Variants in NRXN1 observed in about 807,000 individuals in gnomAD.
NRXN1 encodes the protein neurexin-1.
Under a neutral mutation model 150.9 loss-of-function variants are expected in NRXN1, and 39 were observed. That is an observed-to-expected ratio of 0.26 (90% confidence interval 0.20 to 0.34). NRXN1 has a LOEUF of 0.34. Among genes scored for constraint, NRXN1 ranks in the 10% least tolerant of loss-of-function variants. The pLI is 1.00. For missense variants in NRXN1, 1,815 were observed against 1,949.9 expected (o/e 0.93, Z 1.30); for synonymous variants, 924 against 757.0 (o/e 1.22, Z -3.62).
At chr2:50,832,137 G>T (rs1671493495) in intron 5 of NRXN1, among the ~76,000 whole-genome samples, 1 of 152,172 alleles carries the variant, frequency 6.6e-6, no homozygotes, top group Non-Finnish European at 1.5e-5. Context: ...CCAGTCAGCA[G>T]GCTTAGTTTA....
At chr2:50,141,428 A>G (rs1310951417) in intron 18 of NRXN1, among the ~76,000 whole-genome samples, 7 of 152,026 alleles carry the variant, frequency 4.6e-5, no homozygotes, top group African/African-American at 1.7e-4. Context: ...GTCCTCAGAA[A>G]CACAGGGAAC....
At chr2:51,007,565 A>C (rs2105155933) in intron 2 of NRXN1, among the ~76,000 whole-genome samples, 1 of 152,004 alleles carries the variant, frequency 6.6e-6, no homozygotes, top group South Asian at 2.1e-4. Context: ...TGTTTTATAT[A>C]TTATTTTTCT....
chr2:51,017,574 C>CAAG (rs1668919650), intron 2 of NRXN1, among the ~76,000 whole-genome samples: 1 of 116,630 alleles, frequency 8.6e-6, no homozygotes, highest in African/African-American at 3.3e-5. Flanking sequence ...CCCGCCTGGT[C>CAAG]TGGTACTCTT....
At chr2:50,800,316 T>C (rs1445802629) in intron 5 of NRXN1, among the ~76,000 whole-genome samples, 1 of 152,192 alleles carries the variant, frequency 6.6e-6, no homozygotes, top group Non-Finnish European at 1.5e-5. Flanking sequence ...TCATCCTCTA[T>C]TCACACCAGG....
At chr2:50,781,758 G>C (rs531282806) in intron 5 of NRXN1, among the ~76,000 whole-genome samples, 1 of 152,136 alleles carries the variant, frequency 6.6e-6, no homozygotes, top group African/African-American at 2.4e-5. Flanking sequence ...AAATATTTAT[G>C]CCTTTTTATT....
chr2:51,031,822 A>G lies in NRXN1; in HGVS notation c.-922+159T>C, dbSNP rs1671611215. On this transcript the variant is annotated intron_variant, in intron 1 of 22. Coordinates refer to ENST00000401669, the MANE Select transcript of NRXN1 (RefSeq NM_001330078.2). ...TCTTGCCATCTATTTAAAAGGCTTC[A>G]TGCAAAACAACCAAGATCTACACTC... Among the ~76,000 whole-genome samples, 3 of 100,408 alleles carry G rather than the reference A, an allele frequency of 3.0e-5. No homozygotes were observed. In the Admixed American group the frequency reaches 3.2e-4, roughly 11 times the overall value. 65.9% of individuals were successfully genotyped at this position (100,408 alleles called of 152,430 possible).
intron 5 of NRXN1, among the ~76,000 whole-genome samples, chr2:50,832,603 A>G (rs1247812836): frequency 3.3e-5 from 5 of 152,160 alleles, no homozygotes; most frequent in African/African-American, 1.2e-4. Context: ...GCAGTGAGCC[A>G]ATGTCGCACC....
chr2:50,119,139 C>T (rs571593727), intron 18 of NRXN1, among the ~76,000 whole-genome samples: 15 of 152,224 alleles, frequency 9.9e-5, no homozygotes, highest in African/African-American at 2.6e-4. Context: ...AATTAACATA[C>T]GGGAATTTAA....
At chr2:50,837,234 G>A (rs1672247139) in intron 5 of NRXN1, among the ~76,000 whole-genome samples, 2 of 152,274 alleles carry the variant, frequency 1.3e-5, no homozygotes, top group Admixed American at 6.5e-5. Context: ...ATAGCCAAGT[G>A]AAAGGACAAC....
At chr2:50,029,463 G>C (rs555974975) in intron 21 of NRXN1, among the ~76,000 whole-genome samples, 1 of 152,246 alleles carries the variant, frequency 6.6e-6, no homozygotes, top group African/African-American at 2.4e-5. Context: ...GTTAAGATTA[G>C]ATGAGGTCTT....
chr2:51,002,577 A>G (rs1351848395), intron 2 of NRXN1, among the ~76,000 whole-genome samples: 1 of 151,966 alleles, frequency 6.6e-6, no homozygotes. Context: ...GTCTGAAAGT[A>G]TCCTCTATGT....
intron 17 of NRXN1, among the ~76,000 whole-genome samples, chr2:50,445,512 C>A (rs574972386): frequency 6.6e-6 from 1 of 152,062 alleles, no homozygotes; most frequent in South Asian, 2.1e-4. Context: ...ATCTGAGATC[C>A]GCCTTTATTA....
At chr2:50,066,304 G>A (rs1157202232) in intron 19 of NRXN1, among the ~76,000 whole-genome samples, 1 of 151,976 alleles carries the variant, frequency 6.6e-6, no homozygotes, top group Non-Finnish European at 1.5e-5. Flanking sequence ...GGAGTCAAGG[G>A]GACAAATGAG....
At chr2:50,141,851 T>A (rs576317351) in intron 18 of NRXN1, among the ~76,000 whole-genome samples, 1 of 152,158 alleles carries the variant, frequency 6.6e-6, no homozygotes, top group East Asian at 1.9e-4. Flanking sequence ...ACATTGTTGG[T>A]GGGGATGTAA....
chr2:50,427,429 T>C (rs180925969), intron 17 of NRXN1, among the ~76,000 whole-genome samples: 322 of 151,844 alleles, frequency 2.1e-3, no homozygotes, highest in African/African-American at 7.4e-3. Context: ...TGCTGCCATA[T>C]CTGGAAATGG....
intron 5 of NRXN1, among the ~76,000 whole-genome samples, chr2:50,884,299 T>C (rs972398308): frequency 7.9e-5 from 12 of 151,824 alleles, no homozygotes; most frequent in African/African-American, 2.7e-4. Flanking sequence ...GCTGTATTAA[T>C]TGTATTCTAC....
At chr2:50,729,081 T>C (rs553630253) in intron 5 of NRXN1, among the ~76,000 whole-genome samples, 11 of 152,322 alleles carry the variant, frequency 7.2e-5, no homozygotes, top group African/African-American at 2.6e-4. Context: ...TAAAGCATTA[T>C]GATCCCTCTA....
intron 8 of NRXN1, among the ~76,000 whole-genome samples, chr2:50,599,264 T>C (rs1046254178): frequency 2.0e-5 from 3 of 152,186 alleles, no homozygotes; most frequent in African/African-American, 7.2e-5. Flanking sequence ...TAAGAAATAT[T>C]CTTAGATTGC....
intron 18 of NRXN1, among the ~76,000 whole-genome samples, chr2:50,177,059 T>C (rs985446988): frequency 6.6e-6 from 1 of 152,178 alleles, no homozygotes; most frequent in Non-Finnish European, 1.5e-5. Flanking sequence ...ACATTGTTTT[T>C]AGTTGTGTTC....
Sources: allele counts gnomAD v4.1 joint callset (sites outside exome capture counted in the v4.1 genomes callset), GRCh38; gene constraint gnomAD v4.1.1; transcripts MANE v1.5; gene names NCBI Gene and HGNC (gene_info 2026-07-23, HGNC 2026-07-21).